Variants in PIAS4 observed in about 807,000 individuals in gnomAD.
PIAS4 encodes the protein protein inhibitor of activated STAT 4, also known as E3 SUMO-protein ligase PIAS4.
Under a neutral mutation model 58.0 loss-of-function variants are expected in PIAS4, and 7 were observed. The observed-to-expected ratio is 0.12, with a 90% CI of 0.07 to 0.23. The LOEUF is 0.23. Among genes scored for constraint, PIAS4 ranks in the 10% least tolerant of loss-of-function variants. The probability of loss-of-function intolerance (pLI) is 1.00; values close to 1 mark genes in which losing one functional copy is unlikely to be tolerated. For synonymous variants in PIAS4, 364 were observed against 312.4 expected (o/e 1.17, Z -1.74); for missense variants, 550 against 709.5 (o/e 0.78, Z 2.55).
In PIAS4 at chr19:4,033,587, C is replaced by T. The variant is rs1297669668; in HGVS notation, c.1142+7C>T. 1 of 1,592,944 alleles carries T rather than the reference C, an allele frequency of 6.3e-7. No homozygotes were observed. The highest frequency in any genetic ancestry group is 1.3e-5 in the African/African-American group (1 of 74,700). On this transcript the variant is annotated splice_region_variant and intron_variant, in intron 9 of 10. Coordinates refer to ENST00000262971, the MANE Select transcript of PIAS4 (RefSeq NM_015897.4). ...ACCAGCTCATCATCGACGGGTGAGC[C>T]CGGGGCCCCGGGGAGGGCGGCCGGA...
intron 9 of PIAS4, 134 bp downstream of exon 9, chr19:4,033,714 A>C: frequency 1.3e-6 from 1 of 765,468 alleles, no homozygotes; most frequent in Non-Finnish European, 2.0e-6. Flanking sequence ...GGAGCTTTGG[A>C]AACCCCGGGC....
rs1295512592 is a variant in PIAS4, at chr19:4,028,659, G to A, written c.672+59G>A. On this transcript the variant is annotated intron_variant, in intron 5 of 10. Coordinates refer to ENST00000262971, the MANE Select transcript of PIAS4 (RefSeq NM_015897.4). ...GGTTTGGGGGGCGTGGAGGGAGGGT[G>A]GGGGCCGTCGGATTTCCCAGCCGCT... The A allele has an allele frequency of 6.2e-6, 10 of 1,604,308 alleles. No individual in the cohort carries two copies. In the Admixed American group the frequency reaches 1.5e-4, roughly 24 times the overall value.
chr19:4,036,372 A>G (rs2040285974), intron 9 of PIAS4, among the ~76,000 whole-genome samples: 2 of 121,636 alleles, frequency 1.6e-5, no homozygotes, highest in South Asian at 5.6e-4. Context: ...TACAGTCCAC[A>G]CCGTCATACA....
At chr19:4,031,255 T>G (rs1413232459) in intron 7 of PIAS4, among the ~76,000 whole-genome samples, 2 of 152,144 alleles carry the variant, frequency 1.3e-5, no homozygotes, top group Non-Finnish European at 2.9e-5. Flanking sequence ...GCCAGGGGCC[T>G]GCGAGCCCCA....
chr19:4,030,684 C>T (rs1253766706), intron 7 of PIAS4, among the ~76,000 whole-genome samples: 1 of 152,140 alleles, frequency 6.6e-6, no homozygotes, highest in African/African-American at 2.4e-5. Flanking sequence ...AGCCACGCAG[C>T]ACAAAGCCAG....
Position 4,036,280 on chromosome 19 carries a change from A to G in PIAS4, c.1143-1094A>G, listed in dbSNP as rs576320775. Among the ~76,000 whole-genome samples the G allele has an allele frequency of 8.0e-3, 643 of 80,202 alleles. 46 individuals carry two copies. The highest frequency in any genetic ancestry group is 0.017 in the African/African-American group (592 of 35,784). 52.6% of individuals were successfully genotyped at this position (80,202 alleles called of 152,430 possible). A position where few individuals can be genotyped will look rare whatever the true frequency, so the allele number is the denominator to read the frequency against. ...ACATGCACACACATCTATATGGTCTACACCGTCACACACACACACATCTAT... is the reference window on the plus strand; with the variant it reads ...ACATGCACACACATCTATATGGTCTGCACCGTCACACACACACACATCTAT... On this transcript the variant is annotated intron_variant, in intron 9 of 10. Transcript: ENST00000262971.
At position 4,013,374 on chromosome 19, in the gene PIAS4, G is replaced by A. The variant is rs1391671805; in HGVS notation, c.454+25G>A. ...GGTGAGTGGTCACCCTGGGGAGGCTGCGACTGGAGGCTTCACCTAGGCCCC... is the reference window on the plus strand; with the variant it reads ...GGTGAGTGGTCACCCTGGGGAGGCTACGACTGGAGGCTTCACCTAGGCCCC... On this transcript the variant is annotated intron_variant, in intron 2 of 10. Coordinates refer to ENST00000262971, the MANE Select transcript of PIAS4 (RefSeq NM_015897.4). This position sits in a 1 kb window ranked among gnomAD's most constrained non-coding sequence, Gnocchi z 5.1. 3 of 1,587,036 alleles carry A rather than the reference G, an allele frequency of 1.9e-6. No individual in the cohort carries two copies. The highest frequency in any genetic ancestry group is 1.7e-5 in the Admixed American group (1 of 59,216).
chr19:4,037,403 A>C lies in PIAS4; in HGVS notation c.1172A>C (p.Glu391Ala). The change falls in exon 10 of 11, where the codon GAG (glutamate) becomes GCG (alanine). Residue 391 changes from glutamate (E) to alanine (A), a missense_variant. Transcript: ENST00000262971. The surrounding 1 kb of genome is among the most constrained non-coding windows in gnomAD (Gnocchi z 5.8). ...GLLSKILSEC[E>A]DADEIEYLVD... ...CTCTCGAAGATCCTGAGCGAGTGTG[A>C]GGACGCCGACGAGATCGAGTACCTG... 2 of 1,610,378 alleles carry C rather than the reference A, an allele frequency of 1.2e-6. No individual in the cohort carries two copies. The highest frequency in any genetic ancestry group is 1.7e-6 in the Non-Finnish European group (2 of 1,178,322).
intron 2 of PIAS4, among the ~76,000 whole-genome samples, chr19:4,017,321 T>C (rs911917666): frequency 6.6e-6 from 1 of 151,958 alleles, no homozygotes; most frequent in Non-Finnish European, 1.5e-5. Context: ...CCAGCCCAGC[T>C]CCCCAACCTG....
intron 2 of PIAS4, among the ~76,000 whole-genome samples, chr19:4,016,823 G>A (rs1362793583): frequency 6.6e-6 from 1 of 152,146 alleles, no homozygotes; most frequent in East Asian, 1.9e-4. Context: ...AACATGGTGC[G>A]CCCAGGAGGA....
In PIAS4 at chr19:4,036,394, A is replaced by G. The variant is rs1258110343; in HGVS notation, c.1143-980A>G. ...CACACCGTCATACACACACACGTCT[A>G]TACAGTCCACACTGTCACACATCCG... is the stretch of plus-strand genomic sequence containing the variant. On this transcript the variant is annotated intron_variant, in intron 9 of 10. Transcript: ENST00000262971. 5.9e-5 allele frequency among the ~76,000 whole-genome samples: 8 copies of G among 135,000 alleles called. 2 individuals carry two copies. The South Asian group carries it at 2.0e-3, about 34-fold the overall frequency. The allele number at this position is 135,000 out of a possible 152,430, so 88.6% of individuals were successfully genotyped here.
intron 9 of PIAS4, among the ~76,000 whole-genome samples, chr19:4,034,100 C>G (rs917346783): frequency 6.6e-6 from 1 of 152,256 alleles, no homozygotes; most frequent in African/African-American, 2.4e-5. Flanking sequence ...TGGTGGAAGG[C>G]TCTGCCCAGG....
At chr19:4,010,319 C>T (rs950140385) in intron 1 of PIAS4, among the ~76,000 whole-genome samples, 1 of 152,310 alleles carries the variant, frequency 6.6e-6, no homozygotes, top group East Asian at 1.9e-4. Context: ...CTCCACTGTC[C>T]AGCCTGGGTG....
chr19:4,030,618 C>CA (rs900631829), intron 7 of PIAS4, among the ~76,000 whole-genome samples: 6,438 of 121,216 alleles, frequency 0.053, 442 homozygotes, highest in African/African-American at 0.17. Flanking sequence ...GACTCCATCT[C>CA]AAAAAAAAAA....
At chr19:4,033,351 G>C in intron 8 of PIAS4, 69 bp from the exon 9 acceptor site, 3 of 1,448,098 alleles carry the variant, frequency 2.1e-6, no homozygotes, top group Middle Eastern at 4.2e-4. Context: ...ATGGAGCTGG[G>C]GGTGAGGGGC....
intron 9 of PIAS4, among the ~76,000 whole-genome samples, chr19:4,036,069 T>C (rs368751034): frequency 2.9e-3 from 28 of 9,702 alleles, no homozygotes; most frequent in East Asian, 0.016. Flanking sequence ...CAGTCCACAC[T>C]GTCACACATC....
Position 4,033,638 on chromosome 19 carries a change from G to A in PIAS4, c.1142+58G>A, listed in dbSNP as rs530785981. Reference sequence around the variant, plus strand: ...GCCGGACATCCGTGGAGGTCTCGGTGGCACCCCGCTTCCTGCAGACCACAT... The same window carrying A: ...GCCGGACATCCGTGGAGGTCTCGGTAGCACCCCGCTTCCTGCAGACCACAT... On this transcript the variant is annotated intron_variant, in intron 9 of 10. Transcript: ENST00000262971. 8.3e-6 allele frequency: 12 copies of A among 1,439,864 alleles called. No individual in the cohort carries two copies. The African/African-American group carries it at 1.4e-4, about 17-fold the overall frequency. 89.2% of individuals were successfully genotyped at this position (1,439,864 alleles called of 1,614,324 possible).
intron 3 of PIAS4, among the ~76,000 whole-genome samples, chr19:4,024,595 C>T (rs557574276): frequency 8.5e-5 from 13 of 152,318 alleles, no homozygotes; most frequent in Admixed American, 6.5e-4. Flanking sequence ...TGATCCTCTG[C>T]CCTGCTGAGG....
chr19:4,017,453 C>T (rs775661549), intron 2 of PIAS4, among the ~76,000 whole-genome samples: 28 of 152,164 alleles, frequency 1.8e-4, no homozygotes, highest in Non-Finnish European at 3.4e-4. Context: ...GCCAGGGGCA[C>T]CTGTTCCCCG....
Sources: gnomAD v4.1 joint callset for allele counts (sites outside exome capture counted in the v4.1 genomes callset) on GRCh38, gnomAD v4.1.1 for gene constraint, Gnocchi (gnomAD v3.1) non-coding constraint, MANE v1.5 for transcripts, NCBI Gene and HGNC (gene_info 2026-07-23, HGNC 2026-07-21) for gene names.